KLHL2: variants seen among roughly 807,000 people sequenced by gnomAD.
KLHL2 encodes the protein kelch like family member 2, also known as kelch-like protein 2.
Under a neutral mutation model 75.8 loss-of-function variants are expected in KLHL2, and 15 were observed. The observed-to-expected ratio is 0.20, with a 90% CI of 0.13 to 0.30. KLHL2 has a LOEUF of 0.30. Ranked by LOEUF, KLHL2 falls within the 10% of genes least tolerant of loss-of-function variation. The probability of loss-of-function intolerance (pLI) is 1.00; values close to 1 mark genes in which losing one functional copy is unlikely to be tolerated. For missense variants in KLHL2, 381 were observed against 741.0 expected (o/e 0.51, Z 5.64); for synonymous variants, 214 against 251.9 (o/e 0.85, Z 1.42).
At chr4:165,255,474 G>A (rs111750905) in intron 4 of KLHL2, among the ~76,000 whole-genome samples, 2 of 152,120 alleles carry the variant, frequency 1.3e-5, no homozygotes, top group African/African-American at 4.8e-5. Context: ...GGCAGGCGAG[G>A]TTGCATGTGG....
rs545595375 is a variant in KLHL2 at position 165,303,401 on chromosome 4, A to G, written c.922-2207A>G. On this transcript the variant is annotated intron_variant, in intron 8 of 14. Transcript: ENST00000226725. ...TATATCATCTAAGACTCTTTCAACT[A>G]TTGTCTCTTGGGCAGTTTTGAAGTT... Among the ~76,000 whole-genome samples, 8 of 148,554 alleles carry G rather than the reference A, an allele frequency of 5.4e-5. 1 individual carries two copies. The East Asian group carries it at 1.2e-3, about 22-fold the overall frequency.
chr4:165,252,987 T>C (rs1740860782), intron 4 of KLHL2, among the ~76,000 whole-genome samples: 1 of 152,238 alleles, frequency 6.6e-6, no homozygotes, highest in South Asian at 2.1e-4. Context: ...AGTGGCATAG[T>C]ATTAATATTG....
At chr4:165,276,505 C>T (rs1743116553) in intron 5 of KLHL2, among the ~76,000 whole-genome samples, 1 of 151,948 alleles carries the variant, frequency 6.6e-6, no homozygotes, top group Non-Finnish European at 1.5e-5. Context: ...CTGCCATCAG[C>T]CTAACTTTTT....
At chr4:165,250,309 A>G (rs1248245238) in intron 4 of KLHL2, among the ~76,000 whole-genome samples, 3 of 152,224 alleles carry the variant, frequency 2.0e-5, no homozygotes, top group Non-Finnish European at 4.4e-5. Flanking sequence ...GGAGTTCTGT[A>G]GAAAGTTCAT....
intron 5 of KLHL2, among the ~76,000 whole-genome samples, chr4:165,267,651 A>G (rs1742344225): frequency 6.6e-6 from 1 of 152,144 alleles, no homozygotes; most frequent in Non-Finnish European, 1.5e-5. Flanking sequence ...CTTGCATCCC[A>G]GGGATGAAGC....
intron 4 of KLHL2, among the ~76,000 whole-genome samples, chr4:165,242,671 A>G (rs1384189133): frequency 6.6e-6 from 1 of 151,796 alleles, no homozygotes; most frequent in African/African-American, 2.4e-5. Flanking sequence ...TAATTTTTGT[A>G]TTTTTAGTAG....
intron 13 of KLHL2, 112 bp downstream of exon 13, chr4:165,314,278 G>A: frequency 9.8e-7 from 1 of 1,023,846 alleles, no homozygotes; most frequent in Non-Finnish European, 1.4e-6. Context: ...TTACTGATCT[G>A]GGTTCCCTGA....
chr4:165,307,037 CA>C (rs1745784286), intron 9 of KLHL2, among the ~76,000 whole-genome samples: 1 of 152,156 alleles, frequency 6.6e-6, no homozygotes, highest in African/African-American at 2.4e-5. Context: ...GGGCCAGGCG[CA>C]GTGGGTCATG....
At chr4:165,255,352 G>C (rs1300590094) in intron 4 of KLHL2, among the ~76,000 whole-genome samples, 2 of 152,064 alleles carry the variant, frequency 1.3e-5, no homozygotes, top group African/African-American at 2.4e-5. Context: ...TGTGTTATTA[G>C]CCATTAATAT....
At position 165,323,039 on chromosome 4, in the gene KLHL2, A is replaced by G. The variant is rs536895530; in HGVS notation, c.*979A>G. ...AAGAGAGAACTTTCTGTGAGTAGCC[A>G]TGTGTGTTGATCAGATACAGTTTTT... is the stretch of plus-strand genomic sequence containing the variant. On this transcript the variant is annotated 3_prime_UTR_variant, in exon 15 of 15. Coordinates refer to ENST00000226725, the MANE Select transcript of KLHL2 (RefSeq NM_007246.4). The G allele has an allele frequency of 6.5e-6, 1 of 152,764 alleles. No homozygotes were observed. Among genetic ancestry groups the G allele is most frequent in the South Asian group, 2.1e-4 (1 of 4,830 alleles). The allele number at this position is 152,764 out of a possible 1,614,324, so 9.5% of individuals were successfully genotyped here.
At chr4:165,308,942 G>A (rs985525402) in intron 9 of KLHL2, among the ~76,000 whole-genome samples, 5 of 152,208 alleles carry the variant, frequency 3.3e-5, no homozygotes, top group South Asian at 2.1e-4. Context: ...CTGCATTTCC[G>A]TGTATTTTTA....
At position 165,264,227 on chromosome 4, in the gene KLHL2, T is replaced by A. The variant is rs7668523; in HGVS notation, c.544+868T>A. Reference sequence around the variant, plus strand: ...ATTTAATGATTACATCCTTTTTTTTTTATTCTAATAGCTTTAGGAGTACAA... The same window carrying A: ...ATTTAATGATTACATCCTTTTTTTTATATTCTAATAGCTTTAGGAGTACAA... On this transcript the variant is annotated intron_variant, in intron 5 of 14. Coordinates refer to ENST00000226725, the MANE Select transcript of KLHL2 (RefSeq NM_007246.4). 5.6e-3 allele frequency among the ~76,000 whole-genome samples: 849 copies of A among 152,260 alleles called. 9 individuals are homozygous for A. The highest frequency in any genetic ancestry group is 0.02 in the African/African-American group (818 of 41,530).
At chr4:165,230,208 G>A (rs1403609764) in intron 3 of KLHL2, among the ~76,000 whole-genome samples, 4 of 152,186 alleles carry the variant, frequency 2.6e-5, no homozygotes, top group East Asian at 1.9e-4. Flanking sequence ...AGAAGGATTC[G>A]ATCTGGAATG....
At chr4:165,261,421 A>G (rs2111225218) in intron 4 of KLHL2, among the ~76,000 whole-genome samples, 1 of 151,526 alleles carries the variant, frequency 6.6e-6, no homozygotes, top group Non-Finnish European at 1.5e-5. Context: ...GCTCATTGCA[A>G]CCTCTGCCTC....
intron 5 of KLHL2, among the ~76,000 whole-genome samples, chr4:165,288,830 C>CTT (rs767765515): frequency 0.011 from 1,351 of 122,404 alleles, 19 homozygotes; most frequent in African/African-American, 0.035. Context: ...AGGGTTGTTG[C>CTT]TTTTTTTTTT....
intron 8 of KLHL2, among the ~76,000 whole-genome samples, chr4:165,303,788 C>T (rs763058578): frequency 3.9e-5 from 6 of 151,984 alleles, no homozygotes; most frequent in Non-Finnish European, 7.4e-5. Flanking sequence ...GTCTCGAACT[C>T]CTGATCTCAA....
chr4:165,219,669 C>T, intron 1 of KLHL2: 1 of 1,200,508 alleles, frequency 8.3e-7, no homozygotes, highest in Non-Finnish European at 1.0e-6. Flanking sequence ...TCTGCTAAGC[C>T]ACTTCTGCTG....
intron 4 of KLHL2, among the ~76,000 whole-genome samples, chr4:165,251,938 C>T (rs908628024): frequency 2.6e-5 from 4 of 152,198 alleles, no homozygotes; most frequent in Non-Finnish European, 4.4e-5. Flanking sequence ...ATTTATTGTT[C>T]GGAGCAAGGC....
At chr4:165,294,256 A>G (rs944764278) in intron 5 of KLHL2, 103 bp from the exon 6 acceptor site, 8 of 670,174 alleles carry the variant, frequency 1.2e-5, no homozygotes, top group Non-Finnish European at 2.0e-5. Flanking sequence ...TGGTTTTCTC[A>G]TTCTTAAGTT....
Sources: gnomAD v4.1 joint callset for allele counts (sites outside exome capture counted in the v4.1 genomes callset) on GRCh38, gnomAD v4.1.1 for gene constraint, MANE v1.5 for transcripts, NCBI Gene and HGNC (gene_info 2026-07-23, HGNC 2026-07-21) for gene names.